The following CTNNA2 variants were observed in gnomAD, a reference collection of about 807,000 sequenced individuals.
CTNNA2 encodes catenin alpha-2.
CTNNA2 carries 42 observed loss-of-function variants against 101.0 expected under a neutral mutation model. The observed-to-expected ratio is 0.42, with a 90% CI of 0.32 to 0.54. CTNNA2 has a LOEUF of 0.54. CTNNA2 is among the 20% of genes least tolerant of loss of function. The pLI, the probability that CTNNA2 is intolerant of heterozygous loss-of-function variation, is 0.14. For missense variants in CTNNA2, 871 were observed against 1,223.1 expected, an observed-to-expected ratio of 0.71 and a Z score of 4.29; for synonymous variants, 450 against 456.4, an observed-to-expected ratio of 0.99 and a Z score of 0.18.
At chr2:79,285,348 G>A (rs947052850) in intron 2 of CTNNA2, among the ~76,000 whole-genome samples, 185 of 149,742 alleles carry the variant, frequency 1.2e-3, no homozygotes, top group African/African-American at 4.4e-3. Flanking sequence ...GTGATGTTAG[G>A]GTGTCAATTT....
chr2:79,857,100 C>T (rs1001474917), intron 3 of CTNNA2, among the ~76,000 whole-genome samples: 4 of 152,228 alleles, frequency 2.6e-5, no homozygotes, highest in Non-Finnish European at 5.9e-5. Context: ...TCTCTGTACT[C>T]AGCATGGGGC....
At chr2:79,832,868 C>CGACCATT (rs1318507771) in intron 3 of CTNNA2, among the ~76,000 whole-genome samples, 2 of 152,214 alleles carry the variant, frequency 1.3e-5, no homozygotes, top group Non-Finnish European at 2.9e-5. Flanking sequence ...AGTTCTCCTT[C>CGACCATT]GACCATTGTG....
chr2:79,374,613 G>A (rs1478349890), intron 4 of CTNNA2, among the ~76,000 whole-genome samples: 2 of 151,978 alleles, frequency 1.3e-5, no homozygotes, highest in Non-Finnish European at 2.9e-5. Flanking sequence ...TTCTGTAGAT[G>A]ATGTATATTT....
chr2:79,675,798 T>C (rs1333586414), intron 2 of CTNNA2, among the ~76,000 whole-genome samples: 1 of 152,228 alleles, frequency 6.6e-6, no homozygotes, highest in Non-Finnish European at 1.5e-5. Context: ...TGCACGAATA[T>C]GTTTCTGACC....
intron 15 of CTNNA2, among the ~76,000 whole-genome samples, chr2:80,593,063 T>C (rs1406044310): frequency 6.6e-6 from 1 of 152,168 alleles, no homozygotes; most frequent in Non-Finnish European, 1.5e-5. Context: ...TAGAGATAAT[T>C]ATATGACTTG....
chr2:79,788,041 A>C (rs983703016), intron 3 of CTNNA2, among the ~76,000 whole-genome samples: 11 of 152,150 alleles, frequency 7.2e-5, no homozygotes, highest in African/African-American at 2.4e-4. Flanking sequence ...CCCTGAGTAC[A>C]CTAGAGGGTA....
At chr2:79,680,001 T>G (rs561195916) in intron 2 of CTNNA2, among the ~76,000 whole-genome samples, 13 of 152,158 alleles carry the variant, frequency 8.5e-5, no homozygotes, top group Admixed American at 6.5e-4. Flanking sequence ...ACTGGAAATG[T>G]TTTGCAACAA....
intron 9 of CTNNA2, among the ~76,000 whole-genome samples, chr2:80,539,142 CTGAGT>C (rs1427123639): frequency 1.3e-5 from 2 of 152,116 alleles, no homozygotes; most frequent in African/African-American, 4.8e-5. Flanking sequence ...CCTCAGCCTC[CTGAGT>C]TATTTTTGTC....
At chr2:79,486,530 A>G (rs893109796) in intron 4 of CTNNA2, among the ~76,000 whole-genome samples, 1 of 152,182 alleles carries the variant, frequency 6.6e-6, no homozygotes, top group Non-Finnish European at 1.5e-5. Context: ...TGCCACAATA[A>G]ACATACGTGG....
chr2:80,641,769 A>G (rs1258249861), intron 18 of CTNNA2, among the ~76,000 whole-genome samples: 1 of 134,178 alleles, frequency 7.5e-6, no homozygotes, highest in Non-Finnish European at 1.7e-5. Context: ...ATCTTAGATT[A>G]TTAAAAATAT....
intron 7 of CTNNA2, among the ~76,000 whole-genome samples, chr2:79,946,849 T>A (rs1381595038): frequency 2.6e-5 from 4 of 152,200 alleles, no homozygotes; most frequent in Non-Finnish European, 4.4e-5. Flanking sequence ...CCAAAGCTTC[T>A]GTTGTTCTGC....
intron 3 of CTNNA2, among the ~76,000 whole-genome samples, chr2:79,813,415 C>T (rs1317189213): frequency 6.6e-6 from 1 of 152,100 alleles, no homozygotes; most frequent in Non-Finnish European, 1.5e-5. Flanking sequence ...ATTCAAGATC[C>T]ATTTTACAGA....
intron 3 of CTNNA2, among the ~76,000 whole-genome samples, chr2:79,852,124 TTAGA>T (rs1453699948): frequency 2.0e-5 from 3 of 152,168 alleles, no homozygotes; most frequent in Non-Finnish European, 4.4e-5. Flanking sequence ...ATTTATGTAA[TTAGA>T]TAAAGGATAA....
chr2:80,374,182 T>C (rs1675709776), intron 7 of CTNNA2, among the ~76,000 whole-genome samples: 1 of 152,148 alleles, frequency 6.6e-6, no homozygotes, highest in Non-Finnish European at 1.5e-5. Context: ...GTAGTAAACA[T>C]AGTAATCAAC....
chr2:80,472,131 AG>A, intron 9 of CTNNA2, among the ~76,000 whole-genome samples: 1 of 151,432 alleles, frequency 6.6e-6, no homozygotes, highest in African/African-American at 2.4e-5. Context: ...AAAAAAAAAA[AG>A]GTTAGAAAAT....
chr2:79,723,903 G>A (rs1354271475), intron 2 of CTNNA2, among the ~76,000 whole-genome samples: 1 of 152,114 alleles, frequency 6.6e-6, no homozygotes, highest in Admixed American at 6.6e-5. Flanking sequence ...GTCTTTTCCT[G>A]CCTGGATGAG....
chr2:80,148,606 A>G (rs1456540150), intron 7 of CTNNA2, among the ~76,000 whole-genome samples: 1 of 152,228 alleles, frequency 6.6e-6, no homozygotes, highest in Non-Finnish European at 1.5e-5. Flanking sequence ...CTTTATTTTA[A>G]GAGATTTGAT....
intron 7 of CTNNA2, among the ~76,000 whole-genome samples, chr2:80,121,062 G>A (rs553896728): frequency 1.3e-4 from 20 of 152,182 alleles, no homozygotes; most frequent in Admixed American, 1.3e-3. Context: ...AAAAAATGCT[G>A]ATGGAAGCCA....
intron 2 of CTNNA2, among the ~76,000 whole-genome samples, chr2:79,724,617 C>G (rs1375127527): frequency 6.6e-6 from 1 of 151,858 alleles, no homozygotes; most frequent in African/African-American, 2.4e-5. Context: ...AGATCAAGAC[C>G]ATCCTGGCTA....
Sources: gnomAD v4.1 joint callset for allele counts (sites outside exome capture counted in the v4.1 genomes callset) on GRCh38, gnomAD v4.1.1 for gene constraint, MANE v1.5 for transcripts, NCBI Gene and HGNC (gene_info 2026-07-23, HGNC 2026-07-21) for gene names.